ADCY5: variants seen among roughly 807,000 people sequenced by gnomAD.
ADCY5 encodes adenylate cyclase 5, also known as adenylate cyclase type 5.
In ADCY5, 30 loss-of-function variants were observed where a neutral mutation model predicts 119.7. The ratio of observed to expected loss-of-function variants is 0.25; its 90% confidence interval spans 0.19 to 0.34. ADCY5 has a LOEUF of 0.34. ADCY5 is among the 10% of genes least tolerant of loss of function. ADCY5 has a pLI of 1.00. For synonymous variants in ADCY5, 753 were observed against 762.2 expected, an observed-to-expected ratio of 0.99 and a Z score of 0.20; for missense variants, 1,324 against 1,775.2, an observed-to-expected ratio of 0.75 and a Z score of 4.57.
At chr3:123,319,461 C>G (rs1344112533) in intron 10 of ADCY5, among the ~76,000 whole-genome samples, 1 of 151,996 alleles carries the variant, frequency 6.6e-6, no homozygotes, top group Non-Finnish European at 1.5e-5. Flanking sequence ...GATAATGAAA[C>G]GAAGGCACAG....
intron 3 of ADCY5, among the ~76,000 whole-genome samples, chr3:123,345,190 G>A (rs1270054215): frequency 6.6e-6 from 1 of 152,224 alleles, no homozygotes; most frequent in Non-Finnish European, 1.5e-5. Flanking sequence ...TTGCTGGAGG[G>A]CTGGGGGCCC....
At chr3:123,437,827 C>T (rs1230159773) in intron 1 of ADCY5, among the ~76,000 whole-genome samples, 1 of 152,158 alleles carries the variant, frequency 6.6e-6, no homozygotes, top group East Asian at 1.9e-4. Context: ...CCAAGCCCAC[C>T]AAGGGTCATT....
chr3:123,417,743 C>T (rs1315310206), intron 1 of ADCY5, among the ~76,000 whole-genome samples: 2 of 152,174 alleles, frequency 1.3e-5, no homozygotes, highest in Admixed American at 1.3e-4. Flanking sequence ...GGGTGGTCAC[C>T]TCACCTCTCT....
intron 19 of ADCY5, 70 bp downstream of exon 19, chr3:123,289,680 A>G: frequency 6.4e-7 from 1 of 1,555,482 alleles, no homozygotes; most frequent in Admixed American, 1.7e-5. Flanking sequence ...GGTATGGGGT[A>G]TGGGGGAGCC....
At chr3:123,314,414 C>G (rs1940780435) in intron 11 of ADCY5, 92 bp from the exon 12 acceptor site, 1 of 977,736 alleles carries the variant, frequency 1.0e-6, no homozygotes, top group African/African-American at 1.6e-5. Context: ...GCCACAGGTC[C>G]CCCGTGCCCA....
chr3:123,419,423 C>A (rs1037471464), intron 1 of ADCY5, among the ~76,000 whole-genome samples: 2 of 152,180 alleles, frequency 1.3e-5, no homozygotes, highest in Non-Finnish European at 2.9e-5. Flanking sequence ...CTACTCCCAC[C>A]TCAGGCCCCA....
chr3:123,308,556 G>A (rs570237847), intron 12 of ADCY5, among the ~76,000 whole-genome samples: 63 of 152,094 alleles, frequency 4.1e-4, no homozygotes, highest in African/African-American at 1.3e-3. Flanking sequence ...TTGGCCACGC[G>A]CAGTGGCTCA....
intron 11 of ADCY5, among the ~76,000 whole-genome samples, chr3:123,317,795 C>T (rs1940998495): frequency 6.6e-6 from 1 of 151,900 alleles, no homozygotes; most frequent in South Asian, 2.1e-4. Context: ...CTGTGCAGCG[C>T]CTAGTGAGAG....
chr3:123,328,382 T>C (rs1428131178), intron 6 of ADCY5, among the ~76,000 whole-genome samples: 1 of 152,084 alleles, frequency 6.6e-6, no homozygotes, highest in Non-Finnish European at 1.5e-5. Flanking sequence ...CCAGCCACCA[T>C]GGTTTGGGTC....
At chr3:123,306,398 T>G (rs1449078241) in intron 12 of ADCY5, among the ~76,000 whole-genome samples, 1 of 152,058 alleles carries the variant, frequency 6.6e-6, no homozygotes, top group African/African-American at 2.4e-5. Context: ...CCAGAAAACT[T>G]AAATGTAAAA....
At chr3:123,362,799 C>T (rs1943297942) in intron 1 of ADCY5, among the ~76,000 whole-genome samples, 1 of 152,076 alleles carries the variant, frequency 6.6e-6, no homozygotes, top group African/African-American at 2.4e-5. Context: ...AGAGGAAATA[C>T]CCTTAATATA....
In ADCY5 at chr3:123,320,779, A is replaced by G. The variant is rs1941177612; in HGVS notation, c.2089-8T>C. 1 of 1,593,052 alleles carries G rather than the reference A, an allele frequency of 6.3e-7. No homozygotes were observed. Among genetic ancestry groups the G allele is most frequent in the Non-Finnish European group, 8.6e-7 (1 of 1,162,176 alleles). On this transcript the variant is annotated splice_polypyrimidine_tract_variant and splice_region_variant and intron_variant, in intron 8 of 20. Transcript: ENST00000462833. ...CTTGGGGTCTTCAAAGCCCTAGAAG[A>G]GAAGGATAGAAAGAGAAAGAGAAGA...
chr3:123,367,293 AAG>A (rs1943477703), intron 1 of ADCY5, among the ~76,000 whole-genome samples: 1 of 152,218 alleles, frequency 6.6e-6, no homozygotes, highest in African/African-American at 2.4e-5. Flanking sequence ...CAGGAGGACA[AAG>A]AGAGGCTGGC....
intron 1 of ADCY5, among the ~76,000 whole-genome samples, chr3:123,392,370 C>G (rs1458562624): frequency 6.6e-6 from 1 of 152,216 alleles, no homozygotes; most frequent in East Asian, 1.9e-4. Context: ...GATGTAAGTT[C>G]TGGGAGCTCC....
intron 1 of ADCY5, among the ~76,000 whole-genome samples, chr3:123,434,929 T>C (rs1035046345): frequency 2.6e-5 from 4 of 152,268 alleles, no homozygotes; most frequent in Admixed American, 2.6e-4. Context: ...GACAATCCCC[T>C]CTCTGGCAAG....
chr3:123,438,302 G>T (rs1250377514), intron 1 of ADCY5, among the ~76,000 whole-genome samples: 9 of 152,160 alleles, frequency 5.9e-5, no homozygotes. Context: ...AAGCTTTAAT[G>T]CCTAAGAATT....
intron 3 of ADCY5, among the ~76,000 whole-genome samples, chr3:123,341,273 A>G (rs1409154722): frequency 6.7e-6 from 1 of 149,862 alleles, no homozygotes; most frequent in Non-Finnish European, 1.5e-5. Context: ...GTATATTCAT[A>G]TAATGGAGTA....
intron 1 of ADCY5, among the ~76,000 whole-genome samples, chr3:123,402,800 C>A (rs1460411295): frequency 6.6e-6 from 1 of 150,578 alleles, no homozygotes; most frequent in Non-Finnish European, 1.5e-5. Flanking sequence ...TTGCAGTGAG[C>A]CGAGATCGCG....
chr3:123,321,921 C>T lies in ADCY5; in HGVS notation c.2089-1150G>A, dbSNP rs113007092. 8.7e-4 allele frequency among the ~76,000 whole-genome samples: 133 copies of T among 152,298 alleles called. 1 individual carries two copies. The highest frequency in any genetic ancestry group is 2.7e-3 in the African/African-American group (112 of 41,552). On this transcript the variant is annotated intron_variant, in intron 8 of 20. Transcript: ENST00000462833. ...CCAACTATAGGCTCTGAGCTCCTCC[C>T]GGGCTGCCAGCACCGGCCCAGGATG...
Sources: allele counts gnomAD v4.1 joint callset (sites outside exome capture counted in the v4.1 genomes callset), GRCh38; gene constraint gnomAD v4.1.1; transcripts MANE v1.5; gene names NCBI Gene and HGNC (gene_info 2026-07-23, HGNC 2026-07-21).